Variants in ZNF16 observed in about 807,000 individuals in gnomAD.
ZNF16 encodes zinc finger protein 16.
A neutral mutation model predicts 9.0 loss-of-function variants in ZNF16; 7 were observed. The observed-to-expected ratio is 0.78, with a 90% confidence interval of 0.44 to 1.47. ZNF16 has a LOEUF of 1.47. Ranked by LOEUF, ZNF16 falls within the 40% of genes most tolerant of loss-of-function variation. The pLI is 0.01. For synonymous variants in ZNF16, 312 were observed against 301.5 expected, an observed-to-expected ratio of 1.03 and a Z score of -0.36; for missense variants, 830 against 854.2, an observed-to-expected ratio of 0.97 and a Z score of 0.35.
At position 144,950,075 on chromosome 8, in the gene ZNF16, T is replaced by C. The variant is rs553243516; in HGVS notation, c.-10+722A>G. Among the ~76,000 whole-genome samples, 283 of 152,358 alleles carry C rather than the reference T, an allele frequency of 1.9e-3. 4 individuals are homozygous for C. Among genetic ancestry groups the C allele is most frequent in the Middle Eastern group, 6.8e-3 (2 of 294 alleles). ...ACATGTTGGCAGCAATGCTGCCTTG[T>C]TATTCTTTACTCCACTGAGATGTTT... On this transcript the variant is annotated intron_variant, in intron 1 of 2. Coordinates refer to ENST00000394909, the MANE Select transcript of ZNF16 (RefSeq NM_006958.3).
At chr8:144,939,123 C>A (rs1259245749) in intron 2 of ZNF16, among the ~76,000 whole-genome samples, 4 of 152,008 alleles carry the variant, frequency 2.6e-5, no homozygotes, top group East Asian at 3.9e-4. Context: ...TTTTCTATTT[C>A]TTTGTTGGGA....
rs756389594 is a variant in ZNF16, at chr8:144,932,192, G to A, written c.595C>T (p.His199Tyr). The A allele has an allele frequency of 5.6e-6, 9 of 1,614,176 alleles. No individual in the cohort carries two copies. The highest frequency in any genetic ancestry group is 7.6e-6 in the Non-Finnish European group (9 of 1,180,038). The change falls in exon 3 of 3, where the codon CAT (histidine) becomes TAT (tyrosine). Residue 199 changes from histidine to tyrosine, a missense_variant. Transcript: ENST00000394909. This position sits in a 1 kb window ranked among gnomAD's most constrained non-coding sequence, Gnocchi z 5.0. Reference protein sequence around the residue: ...SFQHSVDLTGHEGVPTAESPL... With the variant: ...SFQHSVDLTGYEGVPTAESPL... ...CTTTCAGCTGTGGGAACCCCCTCAT[G>A]ACCAGTTAGGTCCACACTGTGCTGG...
intron 2 of ZNF16, among the ~76,000 whole-genome samples, chr8:144,936,498 C>G (rs955853416): frequency 7.9e-5 from 12 of 152,206 alleles, no homozygotes; most frequent in African/African-American, 2.9e-4. Context: ...TGCCATTTTA[C>G]ATTCCAGCCA....
intron 2 of ZNF16, among the ~76,000 whole-genome samples, chr8:144,943,180 C>A (rs1230910863): frequency 6.6e-6 from 1 of 152,218 alleles, no homozygotes; most frequent in African/African-American, 2.4e-5. Context: ...GTCCCACTGC[C>A]TTCTGACCTC....
intron 2 of ZNF16, chr8:144,945,772 G>C: frequency 1.5e-6 from 1 of 666,016 alleles, no homozygotes; most frequent in Non-Finnish European, 2.3e-6. Context: ...AAGGACGCTG[G>C]TGGCCATCAT....
intron 2 of ZNF16, among the ~76,000 whole-genome samples, chr8:144,940,551 T>C (rs1244132118): frequency 6.6e-6 from 1 of 152,250 alleles, no homozygotes; most frequent in Non-Finnish European, 1.5e-5. Flanking sequence ...CCGCTGTTGC[T>C]GGTCAGAGAA....
intron 2 of ZNF16, among the ~76,000 whole-genome samples, chr8:144,934,919 C>T (rs1410862044): frequency 6.6e-6 from 1 of 152,164 alleles, no homozygotes; most frequent in Non-Finnish European, 1.5e-5. Flanking sequence ...AGCCCACTAG[C>T]TGGATTTGGT....
At chr8:144,941,890 C>A (rs1448309740) in intron 2 of ZNF16, among the ~76,000 whole-genome samples, 1 of 151,278 alleles carries the variant, frequency 6.6e-6, no homozygotes, top group Admixed American at 6.6e-5. Flanking sequence ...AATCTCCTGA[C>A]CTCATGATCT....
rs148927867 is a variant in ZNF16, at chr8:144,930,912, G to A, written c.1875C>T (p.Gly625=). 222 of 1,610,100 alleles carry A rather than the reference G, an allele frequency of 1.4e-4. No individual in the cohort carries two copies. In the East Asian group the frequency reaches 3.1e-3, roughly 22 times the overall value. ...ACTCACTGCATTTGTAGGGGCGCTC[G>A]CCCGTGTGGATTATCTGATGCTGAA... ...HLIQHQIIHT[G]ERPYKCSECG... The change falls in exon 3 of 3, where the codon GGC becomes GGT. Residue 625 remains glycine, a synonymous_variant. Transcript: ENST00000394909.
rs1833520410 is a variant in ZNF16 at position 144,931,092 on chromosome 8, C to A, written c.1695G>T (p.Arg565Ser). 6.2e-7 allele frequency: 1 copy of A among 1,614,104 alleles called. No individual in the cohort carries two copies. The highest frequency in any genetic ancestry group is 2.2e-5 in the East Asian group (1 of 44,882). ...CATGGGGCTTCAGCCCATTATGAAT[C>A]CTCTGATGCTGAATGAGGGTTGAGC... is the stretch of plus-strand genomic sequence containing the variant. Reference protein sequence around the residue: ...SQSSTLIQHQRIHNGLKPHEC... With the variant: ...SQSSTLIQHQSIHNGLKPHEC... Residue 565 changes from arginine (R) to serine (S), a missense_variant, in exon 3 of 3, where the codon AGG becomes AGT. By Grantham distance (110) the Arg-to-Ser change is moderately radical. Transcript: ENST00000394909.
rs1383876073 is a variant in ZNF16, at chr8:144,931,513, C to A, written c.1274G>T (p.Arg425Met). The change falls in exon 3 of 3, where the codon AGG (arginine) becomes ATG (methionine). Residue 425 changes from arginine (R) to methionine (M), a missense_variant. Coordinates refer to ENST00000394909, the MANE Select transcript of ZNF16 (RefSeq NM_006958.3). The part of the protein sequence containing the change: ...SRVSNLIKHH[R>M]VHTGEKPYKC... ...ATAGGGCTTCTCTCCAGTGTGAACC[C>A]TGTGGTGCTTAATGAGGTTGGAGAC... The A allele has an allele frequency of 1.2e-6, 2 of 1,614,132 alleles. No homozygotes were observed. The highest frequency in any genetic ancestry group is 2.7e-5 in the African/African-American group (2 of 75,046).
chr8:144,932,860 A>G lies in ZNF16; in HGVS notation c.197-270T>C, dbSNP rs1180775584. Among the ~76,000 whole-genome samples, 4 of 152,050 alleles carry G rather than the reference A, an allele frequency of 2.6e-5. No individual in the cohort carries two copies. Among genetic ancestry groups the G allele is most frequent in the Non-Finnish European group, 5.9e-5 (4 of 68,002 alleles). On this transcript the variant is annotated intron_variant, in intron 2 of 2. Transcript: ENST00000394909. This position sits in a 1 kb window ranked among gnomAD's most constrained non-coding sequence, Gnocchi z 5.0. ...ATCTCAGCAAACGTTACTGCGGTCTACCTTCTGGCTCAGGCCAAAATCCTG... is the reference window on the plus strand; with the variant it reads ...ATCTCAGCAAACGTTACTGCGGTCTGCCTTCTGGCTCAGGCCAAAATCCTG...
chr8:144,950,414 C>T (rs71522407), intron 1 of ZNF16: 42,757 of 152,082 alleles, frequency 0.28, 6,027 homozygotes, highest in South Asian at 0.3. Context: ...GATGAGATAT[C>T]CCACAGGTGT....
intron 2 of ZNF16, chr8:144,944,408 G>A (rs542817833): frequency 4.6e-5 from 7 of 151,780 alleles, no homozygotes; most frequent in South Asian, 4.2e-4. Context: ...GGTTACAGGC[G>A]TGAGCCACCG....
intron 1 of ZNF16, among the ~76,000 whole-genome samples, chr8:144,950,190 A>G (rs73381239): frequency 0.019 from 2,836 of 152,178 alleles, 79 homozygotes; most frequent in African/African-American, 0.065. Context: ...TTTTGCTCAC[A>G]TGCTTTTTTT....
At chr8:144,940,415 C>T (rs1036521984) in intron 2 of ZNF16, among the ~76,000 whole-genome samples, 2 of 152,214 alleles carry the variant, frequency 1.3e-5, no homozygotes, top group East Asian at 1.9e-4. Context: ...ACATTGCCTT[C>T]ACTGCATCCC....
chr8:144,932,437 T>G lies in ZNF16; in HGVS notation c.350A>C (p.Asp117Ala), dbSNP rs1833579552. ...CCTCCTGCCTTCGGGGACTCCCCAG[T>G]CTCTTTCTGATACATCATCACACAG... ...GDLCDDVSER[D>A]WGVPEGRRLP... Residue 117 changes from aspartate to alanine, a missense_variant, in exon 3 of 3, where the codon GAC becomes GCC. By Grantham distance (126) the Asp-to-Ala change is moderately radical (BLOSUM62 -2). Transcript: ENST00000394909. This position sits in a 1 kb window ranked among gnomAD's most constrained non-coding sequence, Gnocchi z 5.0. 2 of 1,614,154 alleles carry G rather than the reference T, an allele frequency of 1.2e-6. No homozygotes were observed. The highest frequency in any genetic ancestry group is 1.7e-6 in the Non-Finnish European group (2 of 1,180,030).
intron 2 of ZNF16, among the ~76,000 whole-genome samples, chr8:144,936,464 C>T (rs1833684181): frequency 6.6e-6 from 1 of 152,146 alleles, no homozygotes; most frequent in Non-Finnish European, 1.5e-5. Context: ...TGAGGAACCA[C>T]CAAATTATTT....
At position 144,930,942 on chromosome 8, in the gene ZNF16, G is replaced by T. The variant is rs769307101; in HGVS notation, c.1845C>A (p.His615Gln). Residue 615 changes from histidine (H) to glutamine (Q), a missense_variant, in exon 3 of 3, where the codon CAC becomes CAA. Physicochemically the swap from His to Gln is conservative, Grantham distance 24. Coordinates refer to ENST00000394909, the MANE Select transcript of ZNF16 (RefSeq NM_006958.3). ...ECGKGFSQSS[H>Q]LIQHQIIHTG... ...TGTGGATTATCTGATGCTGAATGAGGTGTGAGCTCTGGCTGAAGCCCTTAC... is the reference window on the plus strand; with the variant it reads ...TGTGGATTATCTGATGCTGAATGAGTTGTGAGCTCTGGCTGAAGCCCTTAC... 1.9e-6 allele frequency: 3 copies of T among 1,613,606 alleles called. No homozygotes were observed. Among genetic ancestry groups the T allele is most frequent in the African/African-American group, 2.7e-5 (2 of 74,916 alleles).
Sources: gnomAD v4.1 joint callset for allele counts (sites outside exome capture counted in the v4.1 genomes callset) on GRCh38, gnomAD v4.1.1 for gene constraint, Gnocchi (gnomAD v3.1) non-coding constraint, MANE v1.5 for transcripts, NCBI Gene and HGNC (gene_info 2026-07-23, HGNC 2026-07-21) for gene names.